The following WASF3 variants were observed in gnomAD, a reference collection of about 807,000 sequenced individuals.
WASF3 encodes the protein WASP family member 3.
Under a neutral mutation model 46.6 loss-of-function variants are expected in WASF3, and 11 were observed. The observed-to-expected ratio is 0.24, with a 90% confidence interval of 0.15 to 0.39. WASF3 has a LOEUF of 0.39. Among genes scored for constraint, WASF3 ranks in the 10% least tolerant of loss-of-function variants. The probability of loss-of-function intolerance (pLI) is 1.00; values close to 1 mark genes in which losing one functional copy is unlikely to be tolerated. For missense variants in WASF3, 576 were observed against 669.8 expected, an observed-to-expected ratio of 0.86 and a Z score of 1.55; for synonymous variants, 242 against 259.7, an observed-to-expected ratio of 0.93 and a Z score of 0.65.
intron 1 of WASF3, among the ~76,000 whole-genome samples, chr13:26,582,974 T>A (rs574621903): frequency 2.0e-5 from 3 of 152,076 alleles, no homozygotes; most frequent in Non-Finnish European, 4.4e-5. Context: ...AATTAGTCAA[T>A]AAGAAAGATA....
intron 1 of WASF3, among the ~76,000 whole-genome samples, chr13:26,584,299 A>G (rs144707210): frequency 1.9e-4 from 29 of 152,334 alleles, no homozygotes; most frequent in Admixed American, 3.3e-4. Flanking sequence ...AAAATTCCTG[A>G]CTGTGGCAAA....
At chr13:26,631,061 G>A (rs1881635904) in intron 2 of WASF3, among the ~76,000 whole-genome samples, 1 of 152,122 alleles carries the variant, frequency 6.6e-6, no homozygotes, top group Non-Finnish European at 1.5e-5. Flanking sequence ...TTAGCCCTTT[G>A]TCAGATGAGT....
At chr13:26,573,785 A>G (rs997953763) in intron 1 of WASF3, among the ~76,000 whole-genome samples, 5 of 152,228 alleles carry the variant, frequency 3.3e-5, no homozygotes, top group African/African-American at 7.2e-5. Context: ...TACTCAGACC[A>G]TTCCCAGAAC....
intron 1 of WASF3, among the ~76,000 whole-genome samples, chr13:26,606,388 C>T (rs910432848): frequency 6.8e-6 from 1 of 146,754 alleles, no homozygotes; most frequent in Non-Finnish European, 1.5e-5. Context: ...CAGGATCTCA[C>T]TCTGTTACCT....
chr13:26,577,282 T>A, intron 1 of WASF3: 1 of 743,782 alleles, frequency 1.3e-6, no homozygotes. Flanking sequence ...GATGGTTACT[T>A]GCTTTGTCTG....
At chr13:26,622,207 A>G (rs1248623478) in intron 2 of WASF3, among the ~76,000 whole-genome samples, 1 of 152,186 alleles carries the variant, frequency 6.6e-6, no homozygotes, top group African/African-American at 2.4e-5. Context: ...CATAGAAGAG[A>G]GAATCATTAA....
rs146985044 is a variant in WASF3 at position 26,682,700 on chromosome 13, C to T, written c.1077C>T (p.Phe359=). Residue 359 remains phenylalanine, a synonymous_variant, in exon 9 of 10, where the codon TTC becomes TTT. Coordinates refer to ENST00000335327, the MANE Select transcript of WASF3 (RefSeq NM_006646.6). This position sits in a 1 kb window ranked among gnomAD's most constrained non-coding sequence, Gnocchi z 4.4. The stretch of plus-strand genomic sequence containing the variant: ...TGATTCCCTCAGCACAAACTGCCTT[C>T]GTCAGCCCTCTCCAGATGCCCATGC... ...PPVIPSAQTA[F]VSPLQMPMQP... 4.1e-4 allele frequency: 668 copies of T among 1,614,020 alleles called. 3 individuals carry two copies. The highest frequency in any genetic ancestry group is 4.7e-4 in the Non-Finnish European group (558 of 1,180,048).
intron 6 of WASF3, among the ~76,000 whole-genome samples, chr13:26,676,271 A>AGCAT (rs1191912235): frequency 3.9e-5 from 6 of 152,244 alleles, no homozygotes; most frequent in African/African-American, 1.4e-4. Flanking sequence ...ACAAGTTACA[A>AGCAT]GCATATTCAA....
chr13:26,609,334 A>G (rs1222728441), intron 1 of WASF3: 1 of 152,202 alleles, frequency 6.6e-6, no homozygotes, highest in Non-Finnish European at 1.5e-5. Context: ...ATCAGACTAC[A>G]GAGAAATGTA....
At position 26,685,804 on chromosome 13, in the gene WASF3, G is replaced by A; in HGVS notation, c.1468G>A (p.Asp490Asn). The change falls in exon 10 of 10, where the codon GAC becomes AAC. Residue 490 changes from aspartate (D) to asparagine (N), a missense_variant. Transcript: ENST00000335327. ...RRIAVEYSDS[D>N]DDSEFDENDW... ...CATTGCCGTGGAGTACAGCGACTCT[G>A]ACGACGACTCAGAGTTCGACGAGAA... The A allele has an allele frequency of 6.2e-7, 1 of 1,614,082 alleles. No individual in the cohort carries two copies. The highest frequency in any genetic ancestry group is 1.1e-5 in the South Asian group (1 of 91,086).
chr13:26,543,350 T>A, the WASF3 span, among the ~76,000 whole-genome samples: 2 of 152,228 alleles, frequency 1.3e-5, no homozygotes, highest in Non-Finnish European at 2.9e-5. Context: ...TGGGTCAGCA[T>A]GTGCAAAGTC....
chr13:26,663,760 TAAG>T (rs1027543573), intron 3 of WASF3, among the ~76,000 whole-genome samples: 1 of 152,170 alleles, frequency 6.6e-6, no homozygotes, highest in Non-Finnish European at 1.5e-5. Context: ...ATTAAGTAGA[TAAG>T]AAATTATCGA....
At chr13:26,608,288 G>A (rs974984504) in intron 1 of WASF3, among the ~76,000 whole-genome samples, 4 of 152,088 alleles carry the variant, frequency 2.6e-5, no homozygotes, top group African/African-American at 9.7e-5. Context: ...TACGATTCTT[G>A]TATTTAGATC....
chr13:26,573,474 C>T (rs965665872), intron 1 of WASF3, among the ~76,000 whole-genome samples: 4 of 151,998 alleles, frequency 2.6e-5, no homozygotes, highest in Admixed American at 2.6e-4. Flanking sequence ...GATGCAATCC[C>T]ATTTGTTTAT....
At chr13:26,563,921 T>C (rs1233858156) in intron 1 of WASF3, among the ~76,000 whole-genome samples, 1 of 152,142 alleles carries the variant, frequency 6.6e-6, no homozygotes, top group African/African-American at 2.4e-5. Flanking sequence ...TTCTCAACTT[T>C]GTACTTTCTG....
At chr13:26,657,047 C>A (rs912422001) in intron 3 of WASF3, among the ~76,000 whole-genome samples, 2 of 152,154 alleles carry the variant, frequency 1.3e-5, no homozygotes, top group Non-Finnish European at 2.9e-5. Context: ...CACTGCTGGT[C>A]TTGTATATAC....
chr13:26,544,083 G>T, the WASF3 span, among the ~76,000 whole-genome samples: 4 of 152,158 alleles, frequency 2.6e-5, no homozygotes, highest in Non-Finnish European at 5.9e-5. Flanking sequence ...GGCACAGGAA[G>T]AATTCACAAA....
intron 1 of WASF3, among the ~76,000 whole-genome samples, chr13:26,598,167 A>G (rs61944918): frequency 6.6e-6 from 1 of 152,178 alleles, no homozygotes; most frequent in Admixed American, 6.5e-5. Context: ...TCTAACCGGT[A>G]TGAGATGGTA....
chr13:26,656,758 T>C lies in WASF3; in HGVS notation c.134-8270T>C, dbSNP rs185940795. On this transcript the variant is annotated intron_variant, in intron 3 of 9. Coordinates refer to ENST00000335327, the MANE Select transcript of WASF3 (RefSeq NM_006646.6). ...TTCTCCGATCTGTAACTCACTTTCA[T>C]GGTATTTAAAATTATTTATTTTAAA... 1.4e-3 allele frequency among the ~76,000 whole-genome samples: 211 copies of C among 152,270 alleles called. 1 individual carries two copies. In the South Asian group the frequency reaches 0.016, roughly 12 times the overall value.
Sources: allele counts gnomAD v4.1 joint callset (sites outside exome capture counted in the v4.1 genomes callset), GRCh38; gene constraint gnomAD v4.1.1; non-coding constraint Gnocchi (gnomAD v3.1); transcripts MANE v1.5; gene names NCBI Gene and HGNC (gene_info 2026-07-23, HGNC 2026-07-21).